The following ATIC variants were observed in gnomAD, a reference collection of about 807,000 sequenced individuals.
ATIC encodes bifunctional purine biosynthesis protein ATIC.
ATIC carries 64 observed loss-of-function variants against 72.5 expected under a neutral mutation model. That is an observed-to-expected ratio of 0.88 (90% confidence interval 0.72 to 1.09). The LOEUF is 1.09. Among genes scored for constraint, ATIC ranks in the 50% least tolerant of loss-of-function variants. The probability of loss-of-function intolerance (pLI) is 0.00; values close to 1 mark genes in which losing one functional copy is unlikely to be tolerated. For synonymous variants in ATIC, 281 were observed against 267.1 expected, an observed-to-expected ratio of 1.05 and a Z score of -0.51; for missense variants, 787 against 732.4, an observed-to-expected ratio of 1.07 and a Z score of -0.86.
chr2:215,344,419 G>A (rs2053050696), intron 12 of ATIC, among the ~76,000 whole-genome samples: 1 of 152,126 alleles, frequency 6.6e-6, no homozygotes, highest in African/African-American at 2.4e-5. Flanking sequence ...CAGGTGTGGT[G>A]GCTCACACCT....
chr2:215,345,209 A>G, intron 13 of ATIC: 2 of 366,378 alleles, frequency 5.5e-6, no homozygotes, highest in Non-Finnish European at 1.0e-5. Flanking sequence ...AGAGGAGGTA[A>G]GTTACGGTAC....
In ATIC at chr2:215,325,191, C is replaced by T. The variant is rs1343963591; in HGVS notation, c.291-50C>T. 3.5e-6 allele frequency: 5 copies of T among 1,432,050 alleles called. No homozygotes were observed. In the African/African-American group the frequency reaches 7.0e-5, roughly 20 times the overall value. The allele number at this position is 1,432,050 out of a possible 1,614,324, so 88.7% of individuals were successfully genotyped here. Reference sequence around the variant, plus strand: ...TGTTTTTTTCCTAGATAGCTGTAAACCACATGAGTGGACTTTTTAATGACA... The same window carrying T: ...TGTTTTTTTCCTAGATAGCTGTAAATCACATGAGTGGACTTTTTAATGACA... On this transcript the variant is annotated intron_variant, in intron 4 of 15. Coordinates refer to ENST00000236959, the MANE Select transcript of ATIC (RefSeq NM_004044.7).
chr2:215,342,108 G>T (rs959653764), intron 12 of ATIC, among the ~76,000 whole-genome samples: 1 of 152,134 alleles, frequency 6.6e-6, no homozygotes, highest in Non-Finnish European at 1.5e-5. Flanking sequence ...CCTGCCTGTT[G>T]ACACATGGGG....
chr2:215,361,317 A>ATT, the ATIC span: 1 of 533,772 alleles, frequency 1.9e-6, no homozygotes, highest in African/African-American at 1.9e-5. Flanking sequence ...ACTGAGCGGT[A>ATT]TTGAATACTT....
chr2:215,344,227 A>G (rs4316940), intron 12 of ATIC, among the ~76,000 whole-genome samples: 40,156 of 152,172 alleles, frequency 0.26, 6,109 homozygotes, highest in South Asian at 0.47. Context: ...CACAATTGCT[A>G]CAAAATAACA....
intron 2 of ATIC, among the ~76,000 whole-genome samples, 177 bp from the exon 3 acceptor site, chr2:215,317,980 G>A (rs879322847): frequency 1.9e-4 from 29 of 151,700 alleles, no homozygotes; most frequent in Admixed American, 7.9e-4. Context: ...ACTTTTTTTC[G>A]GAAGTAAATA....
chr2:215,363,246 A>G, the ATIC span: 2 of 152,230 alleles, frequency 1.3e-5, no homozygotes, highest in Non-Finnish European at 1.5e-5. Context: ...TTTCATGTGC[A>G]TAAATAATGA....
chr2:215,315,699 C>T lies in ATIC; in HGVS notation c.147-2458C>T, dbSNP rs78336522. On this transcript the variant is annotated intron_variant, in intron 2 of 15. Transcript: ENST00000236959. ...GGCGCAGTGGCTCACCCCTGTAATCCCAGCACTTTGGGAGGCTGAGGCTGC... is the reference window on the plus strand; with the variant it reads ...GGCGCAGTGGCTCACCCCTGTAATCTCAGCACTTTGGGAGGCTGAGGCTGC... Among the ~76,000 whole-genome samples the T allele has an allele frequency of 2.8e-4, 42 of 152,194 alleles. No homozygotes were observed. The East Asian group carries it at 8.0e-3, about 29-fold the overall frequency.
downstream of ATIC, among the ~76,000 whole-genome samples, chr2:215,354,605 A>T (rs113624657): frequency 6.6e-6 from 1 of 151,912 alleles, no homozygotes; most frequent in African/African-American, 2.4e-5. Context: ...CTGGTCTTCT[A>T]ATTTTCTCAT....
the ATIC span, chr2:215,361,779 T>C: frequency 2.3e-6 from 1 of 429,590 alleles, no homozygotes; most frequent in Non-Finnish European, 3.1e-6. Context: ...TACTGGGCAA[T>C]AGGAGATGTT....
At chr2:215,358,548 C>A in the ATIC span, among the ~76,000 whole-genome samples, 8 of 152,154 alleles carry the variant, frequency 5.3e-5, no homozygotes, top group East Asian at 1.4e-3. Context: ...AAGTAAGACA[C>A]ATTAGATTGG....
chr2:215,325,907 A>C, intron 5 of ATIC, 80 bp from the exon 6 acceptor site: 1 of 1,523,496 alleles, frequency 6.6e-7, no homozygotes. Context: ...ATGGAAGTAC[A>C]TGCACAATGA....
chr2:215,312,884 C>G (rs745541631), intron 2 of ATIC, among the ~76,000 whole-genome samples: 5 of 152,070 alleles, frequency 3.3e-5, no homozygotes, highest in Non-Finnish European at 5.9e-5. Context: ...TGATCACTTA[C>G]GGTCAAGAGT....
intron 13 of ATIC, 166 bp downstream of exon 13, chr2:215,345,037 T>A: frequency 1.4e-6 from 1 of 729,576 alleles, no homozygotes; most frequent in Non-Finnish European, 2.4e-6. Context: ...CTGTTAAAAC[T>A]AATGATGATC....
rs767301526 is a variant in ATIC at position 215,326,920 on chromosome 2, G to C, written c.630G>C (p.Met210Ile). The C allele has an allele frequency of 6.2e-7, 1 of 1,614,136 alleles. No individual in the cohort carries two copies. The highest frequency in any genetic ancestry group is 2.2e-5 in the East Asian group (1 of 44,874). The change falls in exon 7 of 16, where the codon ATG becomes ATC. Residue 210 changes from methionine to isoleucine, a missense_variant. By Grantham distance (10) the Met-to-Ile change is conservative. Coordinates refer to ENST00000236959, the MANE Select transcript of ATIC (RefSeq NM_004044.7). ...GVSQMPLRYG[M>I]NPHQTPAQLY... Reference sequence around the variant, plus strand: ...CTCAGATGCCCTTGAGATATGGAATGAACCCACATCAGACCCCTGCCCAGC... The same window carrying C: ...CTCAGATGCCCTTGAGATATGGAATCAACCCACATCAGACCCCTGCCCAGC...
chr2:215,365,496 A>C, the ATIC span: 1 of 1,613,762 alleles, frequency 6.2e-7, no homozygotes, highest in Non-Finnish European at 8.5e-7. Flanking sequence ...ATGATCTGTG[A>C]TGACATACGA....
At chr2:215,339,681 C>T (rs1345736821) in intron 12 of ATIC, among the ~76,000 whole-genome samples, 1 of 151,984 alleles carries the variant, frequency 6.6e-6, no homozygotes, top group Non-Finnish European at 1.5e-5. Flanking sequence ...GTCACCCAGG[C>T]TGGAGTGCAG....
the ATIC span, among the ~76,000 whole-genome samples, chr2:215,365,300 T>G: frequency 2.0e-5 from 3 of 152,098 alleles, no homozygotes; most frequent in Non-Finnish European, 4.4e-5. Flanking sequence ...GTTGGACAAG[T>G]GCTAAAGTGT....
chr2:215,365,445 G>T, the ATIC span: 18 of 1,550,056 alleles, frequency 1.2e-5, no homozygotes, highest in Non-Finnish European at 1.3e-5. Context: ...GAGAGTTACA[G>T]CCTGATAATG....
Sources: gnomAD v4.1 joint callset for allele counts (sites outside exome capture counted in the v4.1 genomes callset) on GRCh38, gnomAD v4.1.1 for gene constraint, MANE v1.5 for transcripts, NCBI Gene and HGNC (gene_info 2026-07-23, HGNC 2026-07-21) for gene names.